MAPK4: variants seen among roughly 807,000 people sequenced by gnomAD.
The protein encoded by MAPK4 is mitogen-activated protein kinase 4.
A neutral mutation model predicts 47.7 loss-of-function variants in MAPK4; 22 were observed. The ratio of observed to expected loss-of-function variants is 0.46; its 90% CI spans 0.33 to 0.66. The LOEUF (loss-of-function observed/expected upper bound fraction) is 0.66. Among genes scored for constraint, MAPK4 ranks in the 30% least tolerant of loss-of-function variants. The pLI is 0.02. For synonymous variants in MAPK4, 390 were observed against 365.7 expected, an observed-to-expected ratio of 1.07 and a Z score of -0.76; for missense variants, 736 against 831.7, an observed-to-expected ratio of 0.88 and a Z score of 1.42.
intron 1 of MAPK4, among the ~76,000 whole-genome samples, chr18:50,621,650 T>G (rs1179655695): frequency 6.6e-6 from 1 of 152,154 alleles, no homozygotes; most frequent in Non-Finnish European, 1.5e-5. Flanking sequence ...GGATCCCAGA[T>G]GGTAGGAAAA....
chr18:50,712,366 G>A (rs1342331487), intron 2 of MAPK4, among the ~76,000 whole-genome samples: 1 of 152,164 alleles, frequency 6.6e-6, no homozygotes, highest in African/African-American at 2.4e-5. Context: ...GGCAGAGGTT[G>A]TAGTGAGCCA....
At chr18:50,711,299 A>T (rs1352984664) in intron 2 of MAPK4, among the ~76,000 whole-genome samples, 1 of 152,212 alleles carries the variant, frequency 6.6e-6, no homozygotes, top group Non-Finnish European at 1.5e-5. Context: ...AAATGGGTGG[A>T]TGGGAGCAAT....
chr18:50,721,945 T>A lies in MAPK4; in HGVS notation c.699T>A (p.His233Gln), dbSNP rs751114736. Residue 233 changes from histidine to glutamine, a missense_variant, in exon 4 of 6, where the codon CAT (histidine) becomes CAA (glutamine). Coordinates refer to ENST00000400384, the MANE Select transcript of MAPK4 (RefSeq NM_002747.4). ...CTGGCATTGCCTCCCCAGGGGCCCA[T>A]GAGCTGGAGCAGATGCAACTCATCC... ...LTGRMLFAGA[H>Q]ELEQMQLILE... 29 of 1,613,932 alleles carry A rather than the reference T, an allele frequency of 1.8e-5. No homozygotes were observed. The highest frequency in any genetic ancestry group is 2.0e-5 in the Non-Finnish European group (24 of 1,180,012).
At chr18:50,564,873 G>T (rs529144599) in intron 1 of MAPK4, among the ~76,000 whole-genome samples, 1 of 152,308 alleles carries the variant, frequency 6.6e-6, no homozygotes, top group African/African-American at 2.4e-5. Context: ...TTCAGTTCTG[G>T]TGGACTTGAT....
At chr18:50,598,878 T>G (rs902224544) in intron 1 of MAPK4, among the ~76,000 whole-genome samples, 5 of 152,210 alleles carry the variant, frequency 3.3e-5, no homozygotes, top group African/African-American at 1.2e-4. Context: ...AGTGGGTTTT[T>G]GGGGGAAGAA....
chr18:50,676,072 A>C (rs536783513), intron 2 of MAPK4, among the ~76,000 whole-genome samples: 4 of 152,316 alleles, frequency 2.6e-5, no homozygotes, highest in African/African-American at 9.6e-5. Flanking sequence ...TTGAGCCTGT[A>C]GTCAACTAAC....
intron 2 of MAPK4, among the ~76,000 whole-genome samples, chr18:50,672,550 A>C (rs1223058337): frequency 6.6e-6 from 1 of 151,964 alleles, no homozygotes; most frequent in Middle Eastern, 3.2e-3. Context: ...TCCCGAGAAG[A>C]GGCTCTTCCC....
At chr18:50,659,037 TC>T (rs2043141502) in intron 1 of MAPK4, among the ~76,000 whole-genome samples, 1 of 152,244 alleles carries the variant, frequency 6.6e-6, no homozygotes, top group South Asian at 2.1e-4. Context: ...GCTCATTTGT[TC>T]AGGTATATTG....
chr18:50,585,846 T>C (rs2042383572), intron 1 of MAPK4, among the ~76,000 whole-genome samples: 1 of 152,150 alleles, frequency 6.6e-6, no homozygotes, highest in African/African-American at 2.4e-5. Context: ...GAAGGAGAAG[T>C]GCTGAGCAAA....
At chr18:50,579,842 G>T (rs1041721569) in intron 1 of MAPK4, among the ~76,000 whole-genome samples, 8 of 152,174 alleles carry the variant, frequency 5.3e-5, no homozygotes, top group Non-Finnish European at 1.2e-4. Flanking sequence ...GGTGACAGTG[G>T]GCTAATTGTT....
At chr18:50,559,901 G>A (rs1269664097), upstream of MAPK4, among the ~76,000 whole-genome samples, 33 of 151,430 alleles carry the variant, frequency 2.2e-4, no homozygotes, top group African/African-American at 7.7e-4. Flanking sequence ...GCGGCTGAGC[G>A]GCCTGGAGGC....
chr18:50,590,109 C>G (rs1268458493), intron 1 of MAPK4, among the ~76,000 whole-genome samples: 8 of 152,202 alleles, frequency 5.3e-5, no homozygotes, highest in Admixed American at 5.2e-4. Context: ...TTCAGTGTTT[C>G]TCCCTGTCTT....
At chr18:50,594,633 CA>C (rs1341004445) in intron 1 of MAPK4, among the ~76,000 whole-genome samples, 4 of 152,026 alleles carry the variant, frequency 2.6e-5, no homozygotes, top group Non-Finnish European at 4.4e-5. Context: ...AAAAGTAAAA[CA>C]AAAAGCTTGA....
chr18:50,725,105 A>T (rs1289086109), intron 4 of MAPK4, among the ~76,000 whole-genome samples: 3 of 152,218 alleles, frequency 2.0e-5, no homozygotes, highest in African/African-American at 7.2e-5. Context: ...AGCCTCTCGC[A>T]CAAGGCTTCT....
At chr18:50,616,265 C>T (rs565733148) in intron 1 of MAPK4, among the ~76,000 whole-genome samples, 2 of 152,274 alleles carry the variant, frequency 1.3e-5, no homozygotes, top group East Asian at 1.9e-4. Flanking sequence ...CTTGGCATCA[C>T]GTCGGATTGC....
chr18:50,648,103 G>C (rs2043008375), intron 1 of MAPK4, among the ~76,000 whole-genome samples: 1 of 141,948 alleles, frequency 7.0e-6, no homozygotes, highest in African/African-American at 3.0e-5. Flanking sequence ...AAGACCCAGA[G>C]AGAGAGAGAG....
chr18:50,668,946 C>T (rs1487494270), intron 2 of MAPK4, among the ~76,000 whole-genome samples: 4 of 152,196 alleles, frequency 2.6e-5, no homozygotes, highest in African/African-American at 7.2e-5. Flanking sequence ...TCATAGGATT[C>T]CTGTTAGAGT....
intron 1 of MAPK4, among the ~76,000 whole-genome samples, chr18:50,648,739 G>T (rs1036914374): frequency 6.6e-6 from 1 of 152,100 alleles, no homozygotes; most frequent in Non-Finnish European, 1.5e-5. Flanking sequence ...GGATGAAAGG[G>T]GACAGGCTGC....
At chr18:50,643,605 C>T (rs1299332168) in intron 1 of MAPK4, among the ~76,000 whole-genome samples, 1 of 152,226 alleles carries the variant, frequency 6.6e-6, no homozygotes, top group Non-Finnish European at 1.5e-5. Flanking sequence ...ACTGTACCCT[C>T]AGAACTGCCA....
Sources: gnomAD v4.1 joint callset for allele counts (sites outside exome capture counted in the v4.1 genomes callset) on GRCh38, gnomAD v4.1.1 for gene constraint, MANE v1.5 for transcripts, NCBI Gene and HGNC (gene_info 2026-07-23, HGNC 2026-07-21) for gene names.